Variants in GADL1 observed in about 807,000 individuals in gnomAD.
The protein encoded by GADL1 is GAD like acidic amino acid decarboxylase 1.
Under a neutral mutation model 69.5 loss-of-function variants are expected in GADL1, and 71 were observed. That is an observed-to-expected ratio of 1.02 (90% CI 0.84 to 1.25). The LOEUF is 1.25. GADL1 is among the 50% of genes most tolerant of loss of function. The probability of loss-of-function intolerance (pLI) is 0.00; values close to 1 mark genes in which losing one functional copy is unlikely to be tolerated. For missense variants in GADL1, 737 were observed against 631.8 expected, an observed-to-expected ratio of 1.17 and a Z score of -1.79; for synonymous variants, 254 against 214.4, an observed-to-expected ratio of 1.18 and a Z score of -1.62.
At position 30,891,919 on chromosome 3, in the gene GADL1, T is replaced by C. The variant is rs78375461; in HGVS notation, c.37+2659A>G. 0.011 allele frequency among the ~76,000 whole-genome samples: 1,617 copies of C among 152,222 alleles called. 64 individuals carry two copies. The East Asian group carries it at 0.12, about 11-fold the overall frequency. ...TCATGATTTCAATTTTATTACAACA[T>C]GCCAGTCTTATAATGGTATATAAAA... On this transcript the variant is annotated intron_variant, in intron 1 of 14. Coordinates refer to ENST00000282538, the MANE Select transcript of GADL1 (RefSeq NM_207359.3).
In GADL1 at chr3:30,762,274, GAGAAA is replaced by G. The variant is rs1696156374; in HGVS notation, c.1392+15900_1392+15904del. ...GAAGGTTCATGGCAGTAATCTAGGT[GAGAAA>G]AGAGAAGTGAGGACATATGCTTTAA... On this transcript the variant is annotated intron_variant, in intron 14 of 14. Transcript: ENST00000282538. Among the ~76,000 whole-genome samples, 6 of 152,320 alleles carry G rather than the reference GAGAAA, an allele frequency of 3.9e-5. 1 individual carries two copies. In the South Asian group the frequency reaches 1.2e-3, roughly 32 times the overall value.
chr3:30,836,482 C>A (rs1336480860), intron 9 of GADL1, among the ~76,000 whole-genome samples: 1 of 151,666 alleles, frequency 6.6e-6, no homozygotes, highest in Non-Finnish European at 1.5e-5. Flanking sequence ...GTGAAATTAT[C>A]AAACCTATCA....
chr3:30,833,761 A>G, intron 11 of GADL1, 92 bp downstream of exon 11: 1 of 827,608 alleles, frequency 1.2e-6, no homozygotes. Flanking sequence ...CGCCTCGCCC[A>G]AGTCACCAAG....
chr3:30,886,418 G>A (rs144879459), intron 1 of GADL1, among the ~76,000 whole-genome samples: 10 of 152,208 alleles, frequency 6.6e-5, no homozygotes, highest in Non-Finnish European at 1.0e-4. Flanking sequence ...AAGCAAGACC[G>A]TCCCCCATGA....
At chr3:30,885,943 A>G (rs947610725) in intron 1 of GADL1, among the ~76,000 whole-genome samples, 1 of 152,028 alleles carries the variant, frequency 6.6e-6, no homozygotes, top group Non-Finnish European at 1.5e-5. Context: ...TAAGCAATTT[A>G]ATGAATATGA....
intron 11 of GADL1, among the ~76,000 whole-genome samples, chr3:30,824,632 A>G (rs941285274): frequency 1.4e-4 from 21 of 151,836 alleles, no homozygotes; most frequent in African/African-American, 4.8e-4. Context: ...TGTGCCACAA[A>G]ATGGATAAAT....
chr3:30,736,406 G>A (rs1695542029), intron 14 of GADL1, among the ~76,000 whole-genome samples: 1 of 151,968 alleles, frequency 6.6e-6, no homozygotes, highest in South Asian at 2.1e-4. Context: ...GTCCTTATGT[G>A]GACTAAATGA....
intron 1 of GADL1, among the ~76,000 whole-genome samples, chr3:30,873,055 C>T (rs1251894630): frequency 1.3e-5 from 2 of 151,822 alleles, no homozygotes; most frequent in African/African-American, 4.8e-5. Context: ...GTGTATAGTG[C>T]AGTCATAGCA....
At chr3:30,802,992 T>C (rs1697191872) in intron 11 of GADL1, among the ~76,000 whole-genome samples, 1 of 152,148 alleles carries the variant, frequency 6.6e-6, no homozygotes, top group Non-Finnish European at 1.5e-5. Flanking sequence ...GGCGTATGCC[T>C]GAAGTGGGAA....
At chr3:30,812,727 C>T (rs1479293519) in intron 11 of GADL1, among the ~76,000 whole-genome samples, 1 of 152,166 alleles carries the variant, frequency 6.6e-6, no homozygotes, top group Non-Finnish European at 1.5e-5. Flanking sequence ...ACTTTGCTCA[C>T]TTGGCTCTGA....
intron 13 of GADL1, chr3:30,778,659 TC>T: frequency 1.9e-5 from 3 of 159,344 alleles, no homozygotes; most frequent in Admixed American, 6.1e-5. Context: ...CAATAATTCT[TC>T]TTAAGGCAGC....
intron 1 of GADL1, among the ~76,000 whole-genome samples, chr3:30,873,855 T>C (rs1039822359): frequency 5.3e-5 from 8 of 151,924 alleles, no homozygotes; most frequent in Non-Finnish European, 1.2e-4. Context: ...CTCTCAGCTC[T>C]CTTGCTTCTC....
At chr3:30,772,961 C>T (rs979122292) in intron 14 of GADL1, among the ~76,000 whole-genome samples, 3 of 152,010 alleles carry the variant, frequency 2.0e-5, no homozygotes, top group East Asian at 1.9e-4. Flanking sequence ...TCACTAGGAA[C>T]CACCACTAGC....
At chr3:30,832,921 C>CTATT (rs1697815837) in intron 11 of GADL1, among the ~76,000 whole-genome samples, 2 of 151,606 alleles carry the variant, frequency 1.3e-5, no homozygotes, top group Admixed American at 6.6e-5. Context: ...GATGGACAGT[C>CTATT]TGATCATGTC....
chr3:30,893,348 A>G (rs1698810962), intron 1 of GADL1, among the ~76,000 whole-genome samples: 5 of 151,944 alleles, frequency 3.3e-5, no homozygotes, highest in Admixed American at 2.6e-4. Flanking sequence ...TTTAATGACC[A>G]AATCAGGGTA....
At chr3:30,793,435 T>C (rs1256099120) in intron 12 of GADL1, among the ~76,000 whole-genome samples, 1 of 152,102 alleles carries the variant, frequency 6.6e-6, no homozygotes, top group African/African-American at 2.4e-5. Context: ...TACGTTCAGT[T>C]TGGGGACATA....
chr3:30,843,663 T>C (rs962650718), intron 8 of GADL1, among the ~76,000 whole-genome samples: 6 of 152,228 alleles, frequency 3.9e-5, no homozygotes, highest in Admixed American at 6.5e-5. Context: ...TTCTAATATA[T>C]TCTAGCAGCT....
intron 1 of GADL1, among the ~76,000 whole-genome samples, chr3:30,886,530 T>TGGG (rs918312694): frequency 3.3e-5 from 5 of 151,342 alleles, no homozygotes; most frequent in Admixed American, 1.3e-4. Context: ...GGATGGGGAG[T>TGGG]GGGGTGGAAT....
chr3:30,751,043 A>G (rs550106743), intron 14 of GADL1, among the ~76,000 whole-genome samples: 1 of 152,302 alleles, frequency 6.6e-6, no homozygotes, highest in Non-Finnish European at 1.5e-5. Context: ...TTAAGGCATA[A>G]ACAAAAGAAC....
Sources: gnomAD v4.1 joint callset for allele counts (sites outside exome capture counted in the v4.1 genomes callset) on GRCh38, gnomAD v4.1.1 for gene constraint, MANE v1.5 for transcripts, NCBI Gene and HGNC (gene_info 2026-07-23, HGNC 2026-07-21) for gene names.